DNAH17: variants seen among roughly 807,000 people sequenced by gnomAD.
The protein encoded by DNAH17 is axonemal beta dynein heavy chain 17.
DNAH17 carries 376 observed loss-of-function variants against 485.6 expected under a neutral mutation model. That is an observed-to-expected ratio of 0.77 (90% CI 0.71 to 0.84). The LOEUF (loss-of-function observed/expected upper bound fraction) is 0.84, where lower values mean the gene tolerates loss of function less well. Among genes scored for constraint, DNAH17 ranks in the 40% least tolerant of loss-of-function variants. The pLI is 0.00. For missense variants in DNAH17, 6,370 were observed against 5,839.3 expected, an observed-to-expected ratio of 1.09 and a Z score of -2.96; for synonymous variants, 3,031 against 2,405.9, an observed-to-expected ratio of 1.26 and a Z score of -7.60.
intron 62 of DNAH17, among the ~76,000 whole-genome samples, chr17:78,458,169 G>C (rs993650655): frequency 6.6e-6 from 1 of 152,184 alleles, no homozygotes; most frequent in African/African-American, 2.4e-5. Context: ...TCTGGCACCT[G>C]GCATTATATC....
Position 78,475,656 on chromosome 17 carries a change from C to T in DNAH17, c.8319+13G>A, listed in dbSNP as rs1217989039. 1.2e-6 allele frequency: 2 copies of T among 1,613,058 alleles called. No individual in the cohort carries two copies. Among genetic ancestry groups the T allele is most frequent in the Non-Finnish European group, 1.7e-6 (2 of 1,179,558 alleles). ...AGGTCCCGTGCCCTTGCTATCAGCT[C>T]CAGCCTGCTCACCAAATTCATGACT... On this transcript the variant is annotated intron_variant, in intron 53 of 80. Transcript: ENST00000389840.
In DNAH17 at chr17:78,425,543, G is replaced by A; in HGVS notation, c.12944C>T (p.Ala4315Val). The A allele has an allele frequency of 6.2e-7, 1 of 1,612,862 alleles. No homozygotes were observed. The highest frequency in any genetic ancestry group is 8.5e-7 in the Non-Finnish European group (1 of 1,179,356). Residue 4315 changes from alanine (A) to valine (V), a missense_variant, in exon 80 of 81, where the codon GCC becomes GTC. Physicochemically the swap from Ala to Val is moderately conservative, Grantham distance 64. Transcript: ENST00000389840. ...GGCCAGCCACACGGTGGTGGGCAGG[G>A]CAAAGTCTGTCGTCCAGGCCTCGAG... ...RELEAWTTDF[A>V]LPTTVWLAGF...
chr17:78,445,116 T>C (rs1458447529), intron 70 of DNAH17, among the ~76,000 whole-genome samples: 1 of 151,552 alleles, frequency 6.6e-6, no homozygotes, highest in Non-Finnish European at 1.5e-5. Flanking sequence ...TCAGGTCTTT[T>C]TGAACAGACC....
At chr17:78,573,925 A>C (rs912052073) in intron 2 of DNAH17, among the ~76,000 whole-genome samples, 42 of 152,120 alleles carry the variant, frequency 2.8e-4, no homozygotes, top group African/African-American at 9.9e-4. Flanking sequence ...CCGAATCCCC[A>C]AAGTGTGTCC....
Position 78,504,723 on chromosome 17 carries a change from G to A in DNAH17, c.4956+570C>T, listed in dbSNP as rs937288904. On this transcript the variant is annotated intron_variant, in intron 31 of 80. Transcript: ENST00000389840. ...CAGAAGGAGCCCGCCCTGAGCCGGG[G>A]GACGCGCTTGCTGGGGAAGGAAGAG... 5.3e-5 allele frequency among the ~76,000 whole-genome samples: 8 copies of A among 152,134 alleles called. No individual in the cohort carries two copies. In the South Asian group the frequency reaches 8.3e-4, roughly 16 times the overall value.
chr17:78,554,975 G>C (rs2091988532), intron 14 of DNAH17, among the ~76,000 whole-genome samples: 1 of 152,146 alleles, frequency 6.6e-6, no homozygotes, highest in South Asian at 2.1e-4. Context: ...TCGAACTCCT[G>C]ACCTCAAGTG....
At position 78,537,549 on chromosome 17, in the gene DNAH17, G is replaced by A. The variant is rs930823254; in HGVS notation, c.2677-68C>T. The A allele has an allele frequency of 4.0e-6, 6 of 1,516,522 alleles. No individual in the cohort carries two copies. In the African/African-American group the frequency reaches 4.1e-5, roughly 10 times the overall value. 93.9% of individuals were successfully genotyped at this position (1,516,522 alleles called of 1,614,324 possible). A position where few individuals can be genotyped will look rare whatever the true frequency, so the allele number is the denominator to read the frequency against. On this transcript the variant is annotated intron_variant, in intron 18 of 80. Transcript: ENST00000389840. ...TCCATCGGATGATTCTCAGTGCCCT[G>A]ATCATCCACTCCGTACCATCAATGT...
At chr17:78,471,360 T>C (rs993646228) in intron 54 of DNAH17, among the ~76,000 whole-genome samples, 1 of 152,208 alleles carries the variant, frequency 6.6e-6, no homozygotes, top group Non-Finnish European at 1.5e-5. Context: ...CAGGTGGGAC[T>C]TGAGCCAAGG....
At chr17:78,472,943 C>T (rs934423234) in intron 54 of DNAH17, among the ~76,000 whole-genome samples, 9 of 152,290 alleles carry the variant, frequency 5.9e-5, no homozygotes, top group South Asian at 2.1e-4. Context: ...GATGTAGTCT[C>T]GTTTTCTTGG....
chr17:78,465,449 G>T (rs917860328), intron 56 of DNAH17, among the ~76,000 whole-genome samples: 3 of 145,116 alleles, frequency 2.1e-5, no homozygotes, highest in Admixed American at 1.4e-4. Flanking sequence ...AGTGAGGAGC[G>T]TCTCCGCCCG....
intron 68 of DNAH17, 31 bp downstream of exon 68, chr17:78,450,223 G>A: frequency 6.2e-7 from 1 of 1,611,966 alleles, no homozygotes. Flanking sequence ...CCACCTTGAG[G>A]GAGGCACCCA....
chr17:78,515,997 G>T (rs776442494), intron 25 of DNAH17, among the ~76,000 whole-genome samples: 2 of 152,188 alleles, frequency 1.3e-5, no homozygotes, highest in Non-Finnish European at 2.9e-5. Context: ...CTGTGAAGCT[G>T]GAAACTGCTA....
At position 78,480,745 on chromosome 17, in the gene DNAH17, C is replaced by T; in HGVS notation, c.7691G>A (p.Cys2564Tyr). 6.2e-7 allele frequency: 1 copy of T among 1,613,778 alleles called. No homozygotes were observed. Among genetic ancestry groups the T allele is most frequent in the Non-Finnish European group, 8.5e-7 (1 of 1,179,828 alleles). ...HKLTLKDIHN[C>Y]QYVACMNPTS... ...GGGGTTCATGCAGGCCACGTACTGA[C>T]AATTATGGATATCTTTTAACGTCAG... Residue 2564 changes from cysteine (C) to tyrosine (Y), a missense_variant, in exon 49 of 81, where the codon TGT (cysteine) becomes TAT (tyrosine). Transcript: ENST00000389840.
intron 41 of DNAH17, 67 bp downstream of exon 41, chr17:78,493,969 G>A (rs568803300): frequency 1.2e-5 from 19 of 1,539,744 alleles, no homozygotes; most frequent in African/African-American, 1.1e-4. Flanking sequence ...ATGGAGGGCC[G>A]ACCCTTCGCC....
At chr17:78,510,351 C>T (rs768641431) in intron 27 of DNAH17, 33 bp downstream of exon 27, 38 of 1,607,898 alleles carry the variant, frequency 2.4e-5, no homozygotes, top group African/African-American at 1.2e-4. Flanking sequence ...GCTGATCCCA[C>T]GTTGCACAGA....
chr17:78,441,197 T>A lies in DNAH17; in HGVS notation c.11531A>T (p.Asn3844Ile). 2 of 1,613,758 alleles carry A rather than the reference T, an allele frequency of 1.2e-6. No homozygotes were observed. The highest frequency in any genetic ancestry group is 4.5e-5 in the East Asian group (2 of 44,882). Residue 3844 changes from asparagine to isoleucine, a missense_variant and splice_region_variant, in exon 72 of 81, where the codon AAC (asparagine) becomes ATC (isoleucine). Asn to Ile is a moderately radical substitution (Grantham distance 149, BLOSUM62 -3). Transcript: ENST00000389840. ...RPDRMTYAIK[N>I]FVEEKMGSKF... ...GCTGCCCATCTTTTCCTCCACGAAG[T>A]TCCTAGGGGTGGAGTGCATCAGAGG... is the stretch of plus-strand genomic sequence containing the variant.
chr17:78,441,697 T>C (rs376693964), intron 71 of DNAH17, among the ~76,000 whole-genome samples: 15 of 152,310 alleles, frequency 9.8e-5, no homozygotes, highest in African/African-American at 3.6e-4. Context: ...CCGAGTGATG[T>C]TCTGGCGGTC....
Position 78,507,528 on chromosome 17 carries a change from C to G in DNAH17, c.4514G>C (p.Gly1505Ala). Residue 1505 changes from glycine to alanine, a missense_variant, in exon 28 of 81, where the codon GGC becomes GCC. Physicochemically the swap from Gly to Ala is moderately conservative, Grantham distance 60. Transcript: ENST00000389840. ...TWSHLESIFI[G>A]SEDIRTQLPG... The stretch of plus-strand genomic sequence containing the variant: ...GAGCTGGGTGCGGATGTCTTCGGAG[C>G]CGATGAAGATGCTCTCCAGGTGGCT... The G allele has an allele frequency of 6.2e-7, 1 of 1,613,996 alleles. No homozygotes were observed. The highest frequency in any genetic ancestry group is 8.5e-7 in the Non-Finnish European group (1 of 1,179,874).
chr17:78,472,465 A>G (rs1336054581), intron 54 of DNAH17, among the ~76,000 whole-genome samples: 1 of 151,978 alleles, frequency 6.6e-6, no homozygotes, highest in African/African-American at 2.4e-5. Flanking sequence ...TCTCATTTGC[A>G]GGAAGCTGGC....
Sources: allele counts gnomAD v4.1 joint callset (sites outside exome capture counted in the v4.1 genomes callset), GRCh38; gene constraint gnomAD v4.1.1; transcripts MANE v1.5; gene names NCBI Gene and HGNC (gene_info 2026-07-23, HGNC 2026-07-21).